The following NHSL1 variants were observed in gnomAD, a reference collection of about 807,000 sequenced individuals.
The protein encoded by NHSL1 is NHS-like protein 1.
Under a neutral mutation model 95.0 loss-of-function variants are expected in NHSL1, and 48 were observed. That is an observed-to-expected ratio of 0.51 (90% CI 0.40 to 0.64). The LOEUF is 0.64. Ranked by LOEUF, NHSL1 falls within the 30% of genes least tolerant of loss-of-function variation. The probability of loss-of-function intolerance (pLI) is 0.00; values close to 1 mark genes in which losing one functional copy is unlikely to be tolerated. For missense variants in NHSL1, 1,971 were observed against 2,077.7 expected (o/e 0.95, Z 1.00); for synonymous variants, 783 against 833.9 (o/e 0.94, Z 1.05).
At chr6:138,616,656 G>A (rs1784583067) in intron 1 of NHSL1, among the ~76,000 whole-genome samples, 1 of 152,098 alleles carries the variant, frequency 6.6e-6, no homozygotes, top group African/African-American at 2.4e-5. Flanking sequence ...CACCAAGTCT[G>A]GATAAACCAG....
chr6:138,615,866 C>A (rs1037755799), intron 1 of NHSL1, among the ~76,000 whole-genome samples: 3 of 152,194 alleles, frequency 2.0e-5, no homozygotes, highest in Non-Finnish European at 4.4e-5. Context: ...AAGTTTACAT[C>A]AATACCTGTG....
chr6:138,437,644 G>C lies in NHSL1; in HGVS notation c.665-3964C>G, dbSNP rs1005524253. 2.6e-5 allele frequency among the ~76,000 whole-genome samples: 4 copies of C among 152,008 alleles called. No individual in the cohort carries two copies. The East Asian group carries it at 7.7e-4, about 29-fold the overall frequency. Reference sequence around the variant, plus strand: ...AGATAGTGATTCCTCTGATAGATCTGAGCAAAGTAAGTTGGAAACCTGAAA... The same window carrying C: ...AGATAGTGATTCCTCTGATAGATCTCAGCAAAGTAAGTTGGAAACCTGAAA... On this transcript the variant is annotated intron_variant, in intron 5 of 7. Transcript: ENST00000343505.
At position 138,424,686 on chromosome 6, in the gene NHSL1, G is replaced by A; in HGVS notation, c.4216C>T (p.Gln1406Ter). 1 of 1,551,622 alleles carries A rather than the reference G, an allele frequency of 6.4e-7. No homozygotes were observed. The highest frequency in any genetic ancestry group is 8.7e-7 in the Non-Finnish European group (1 of 1,146,984). The change falls in exon 8 of 8, where the codon CAG (glutamine) becomes TAG (stop). Residue 1406 changes from glutamine (Q) to a stop codon, truncating the protein, a stop_gained. Coordinates refer to ENST00000343505, the MANE Select transcript of NHSL1 (RefSeq NM_001144060.2). LOFTEE classifies it low-confidence loss of function (END_TRUNC). The surrounding 1 kb of genome is among the most constrained non-coding windows in gnomAD (Gnocchi z 5.9). ...LASPKQVGSI[Q>*]RSIRKSSTSS... ...GTGCTGCTCTTTCGGATGCTTCTCT[G>A]AATCGACCCCACTTGCTTTGGAGAG...
chr6:138,529,333 A>C (rs1395604299), intron 1 of NHSL1, among the ~76,000 whole-genome samples: 2 of 152,256 alleles, frequency 1.3e-5, no homozygotes, highest in African/African-American at 4.8e-5. Flanking sequence ...TTCCCAAAGC[A>C]AGACACTCCT....
At chr6:138,566,637 T>C (rs990013667) in intron 1 of NHSL1, among the ~76,000 whole-genome samples, 1 of 150,586 alleles carries the variant, frequency 6.6e-6, no homozygotes, top group Non-Finnish European at 1.5e-5. Flanking sequence ...TCAAAACAAA[T>C]GCACAAAGTT....
intron 1 of NHSL1, among the ~76,000 whole-genome samples, chr6:138,606,609 C>G (rs1180038227): frequency 6.6e-6 from 1 of 152,110 alleles, no homozygotes; most frequent in African/African-American, 2.4e-5. Context: ...TATTCCCCAG[C>G]AAAATCATGC....
chr6:138,673,026 GATA>G (rs1785396966), intron 1 of NHSL1, among the ~76,000 whole-genome samples: 1 of 51,188 alleles, frequency 2.0e-5, no homozygotes, highest in South Asian at 9.5e-4. Flanking sequence ...TAGCTAGATA[GATA>G]GGTAGATAGA....
chr6:138,541,378 GAAT>G (rs1037988439), intron 1 of NHSL1, among the ~76,000 whole-genome samples: 9 of 150,886 alleles, frequency 6.0e-5, no homozygotes, highest in Non-Finnish European at 1.3e-4. Flanking sequence ...AAAAAAATAA[GAAT>G]AAAAGCAACA....
chr6:138,432,680 G>C lies in NHSL1; in HGVS notation c.1665C>G (p.Tyr555Ter). 1 of 1,551,654 alleles carries C rather than the reference G, an allele frequency of 6.4e-7. No homozygotes were observed. Among genetic ancestry groups the C allele is most frequent in the Non-Finnish European group, 8.7e-7 (1 of 1,146,940 alleles). The change falls in exon 6 of 8, where the codon TAC (tyrosine) becomes TAG (stop). Residue 555 changes from tyrosine (Y) to a stop codon, truncating the protein, a stop_gained. Coordinates refer to ENST00000343505, the MANE Select transcript of NHSL1 (RefSeq NM_001144060.2). LOFTEE classifies it high-confidence loss of function. This position sits in a 1 kb window ranked among gnomAD's most constrained non-coding sequence, Gnocchi z 4.4. Reference sequence around the variant, plus strand: ...ATGCCCTTCCATTACCTGAGGATTTGTATTCCCAGGGCTCCGAGCTGCTGT... The same window carrying C: ...ATGCCCTTCCATTACCTGAGGATTTCTATTCCCAGGGCTCCGAGCTGCTGT... ...GGHSSSEPWE[Y>*]KSSGNGRASP...
chr6:138,424,952 G>C lies in NHSL1; in HGVS notation c.4086-136C>G. Reference sequence around the variant, plus strand: ...ACTTTCAAAAAATTTATTTTTGACTGGGCACAGTGGCTCACACCTGTAATC... The same window carrying C: ...ACTTTCAAAAAATTTATTTTTGACTCGGCACAGTGGCTCACACCTGTAATC... On this transcript the variant is annotated intron_variant, in intron 7 of 7. Coordinates refer to ENST00000343505, the MANE Select transcript of NHSL1 (RefSeq NM_001144060.2). The surrounding 1 kb of genome is among the most constrained non-coding windows in gnomAD (Gnocchi z 5.9). The C allele has an allele frequency of 8.2e-6, 6 of 735,510 alleles. No individual in the cohort carries two copies. The highest frequency in any genetic ancestry group is 1.3e-5 in the Non-Finnish European group (6 of 461,046). 45.6% of individuals were successfully genotyped at this position (735,510 alleles called of 1,614,324 possible).
chr6:138,625,184 C>T (rs1016091824), intron 1 of NHSL1, among the ~76,000 whole-genome samples: 4 of 152,070 alleles, frequency 2.6e-5, no homozygotes, highest in Non-Finnish European at 1.5e-5. Context: ...TGCTCTGTTA[C>T]TCAGGCTGGA....
At chr6:138,513,655 A>T (rs894419436) in intron 1 of NHSL1, among the ~76,000 whole-genome samples, 3 of 152,204 alleles carry the variant, frequency 2.0e-5, no homozygotes, top group African/African-American at 7.2e-5. Context: ...AAAGAGACAG[A>T]GGGCCAGTGG....
At position 138,430,925 on chromosome 6, in the gene NHSL1, C is replaced by T. The variant is rs748268476; in HGVS notation, c.3420G>A (p.Thr1140=). 2.6e-5 allele frequency: 40 copies of T among 1,551,348 alleles called. No homozygotes were observed. In the African/African-American group the frequency reaches 3.4e-4, roughly 13 times the overall value. The change falls in exon 6 of 8, where the codon ACG becomes ACA. Residue 1140 remains threonine (T), a synonymous_variant. Transcript: ENST00000343505. The surrounding 1 kb of genome is among the most constrained non-coding windows in gnomAD (Gnocchi z 4.7). ...CACCCTGACTCGAGCTCTTGGCAGG[C>T]GTCGGAAGCGAGCTTGTCACAGAGG... ...QPASVTSSLP[T]PAKSSSQGDH...
intron 1 of NHSL1, 50 bp downstream of exon 1, chr6:138,499,183 A>T: frequency 8.1e-7 from 1 of 1,229,672 alleles, no homozygotes; most frequent in Non-Finnish European, 1.2e-6. Context: ...ATATACACAT[A>T]TGGAAACATA....
At position 138,432,831 on chromosome 6, in the gene NHSL1, G is replaced by A. The variant is rs1775798149; in HGVS notation, c.1514C>T (p.Ala505Val). The change falls in exon 6 of 8, where the codon GCT (alanine) becomes GTT (valine). Residue 505 changes from alanine (A) to valine (V), a missense_variant. Physicochemically the swap from Ala to Val is moderately conservative, Grantham distance 64 (BLOSUM62 0). Around this residue, in one of 3 missense-constraint regions of NHSL1, gnomAD observed 1,602 missense variants for 1,654.5 expected, o/e 0.97. Transcript: ENST00000343505. The surrounding 1 kb of genome is among the most constrained non-coding windows in gnomAD (Gnocchi z 4.4). Reference protein sequence around the residue: ...SLCDSAVPLNAPANRENGSQA... With the variant: ...SLCDSAVPLNVPANRENGSQA... ...GGACCCATTCTCCCTATTTGCTGGA[G>A]CATTTAGAGGGACGGCTGAGTCACA... is the stretch of plus-strand genomic sequence containing the variant. 2 of 1,551,560 alleles carry A rather than the reference G, an allele frequency of 1.3e-6. No homozygotes were observed. Among genetic ancestry groups the A allele is most frequent in the Non-Finnish European group, 1.7e-6 (2 of 1,146,896 alleles).
intron 5 of NHSL1, among the ~76,000 whole-genome samples, chr6:138,436,267 C>T (rs1302912276): frequency 6.6e-6 from 1 of 152,118 alleles, no homozygotes; most frequent in East Asian, 1.9e-4. Flanking sequence ...GCTGTGACTG[C>T]AAAGGAAAAG....
intron 1 of NHSL1, among the ~76,000 whole-genome samples, chr6:138,530,719 G>C (rs779516895): frequency 3.9e-5 from 6 of 152,188 alleles, no homozygotes; most frequent in Non-Finnish European, 8.8e-5. Flanking sequence ...ATAAGTGGTA[G>C]CTACTAAGTG....
chr6:138,499,174 T>A, intron 1 of NHSL1, 59 bp downstream of exon 1: 2 of 1,113,078 alleles, frequency 1.8e-6, no homozygotes, highest in Non-Finnish European at 2.7e-6. Flanking sequence ...CACAGGGACA[T>A]ATACACATAT....
At chr6:138,437,447 A>C (rs12206937) in intron 5 of NHSL1, among the ~76,000 whole-genome samples, 7,543 of 113,580 alleles carry the variant, frequency 0.066, 574 homozygotes, top group Middle Eastern at 0.12. Context: ...CACACACACA[A>C]AAAAAAAAAA....
Sources: gnomAD v4.1 joint callset for allele counts (sites outside exome capture counted in the v4.1 genomes callset) on GRCh38, gnomAD v4.1.1 for gene constraint, gnomAD v4.1.1 regional missense constraint, Gnocchi (gnomAD v3.1) non-coding constraint, MANE v1.5 for transcripts, NCBI Gene and HGNC (gene_info 2026-07-23, HGNC 2026-07-21) for gene names.